COL14A1: variants seen among roughly 807,000 people sequenced by gnomAD.
COL14A1 encodes collagen type XIV alpha 1 chain, also known as collagen alpha-1(XIV) chain.
In COL14A1, 136 loss-of-function variants were observed where a neutral mutation model predicts 230.3. The observed-to-expected ratio is 0.59, with a 90% CI of 0.51 to 0.68. COL14A1 has a LOEUF of 0.68. COL14A1 is among the 30% of genes least tolerant of loss of function. The pLI is 0.00. For missense variants in COL14A1, 1,976 were observed against 2,215.8 expected (o/e 0.89, Z 2.17); for synonymous variants, 792 against 784.1 (o/e 1.01, Z -0.17).
At position 120,197,879 on chromosome 8, in the gene COL14A1, G is replaced by C. The variant is rs2130713526; in HGVS notation, c.661G>C (p.Val221Leu). ...HLNAFSTKDE[V>L]IEAVRNLPYK... Reference sequence around the variant, plus strand: ...GAATGCATTTAGCACAAAAGATGAAGTGATTGAAGCTGTCCGAAACCTCCC... The same window carrying C: ...GAATGCATTTAGCACAAAAGATGAACTGATTGAAGCTGTCCGAAACCTCCC... The change falls in exon 7 of 48, where the codon GTG (valine) becomes CTG (leucine). Residue 221 changes from valine (V) to leucine (L), a missense_variant. Transcript: ENST00000297848. 3 of 1,613,682 alleles carry C rather than the reference G, an allele frequency of 1.9e-6. No homozygotes were observed. The East Asian group carries it at 6.7e-5, about 36-fold the overall frequency.
intron 42 of COL14A1, among the ~76,000 whole-genome samples, chr8:120,333,561 A>G (rs16893924): frequency 0.014 from 2,080 of 152,346 alleles, 51 homozygotes; most frequent in African/African-American, 0.047. Context: ...GTGAAATCCA[A>G]TGGATGAGGA....
At chr8:120,232,637 T>C (rs186447306) in intron 19 of COL14A1, among the ~76,000 whole-genome samples, 3,959 of 152,334 alleles carry the variant, frequency 0.026, 73 homozygotes, top group Non-Finnish European at 0.032. Flanking sequence ...ATGGTGTATA[T>C]GTGCCACATT....
Position 120,231,553 on chromosome 8 carries a change from G to T in COL14A1, c.2284G>T (p.Val762Leu). Reference protein sequence around the residue: ...RVKWDISDSDVQQFRVTYMTA... With the variant: ...RVKWDISDSDLQQFRVTYMTA... ...AAAATGGGACATTTCTGACAGCGAT[G>T]TGCAGCAGTTTAGGGTGACCTACAT... Residue 762 changes from valine to leucine, a missense_variant, in exon 19 of 48, where the codon GTG becomes TTG. Coordinates refer to ENST00000297848, the MANE Select transcript of COL14A1 (RefSeq NM_021110.4). 1 of 1,614,070 alleles carries T rather than the reference G, an allele frequency of 6.2e-7. No individual in the cohort carries two copies. Among genetic ancestry groups the T allele is most frequent in the South Asian group, 1.1e-5 (1 of 91,076 alleles).
At chr8:120,144,120 A>G (rs1222884039) in intron 1 of COL14A1, among the ~76,000 whole-genome samples, 1 of 152,180 alleles carries the variant, frequency 6.6e-6, no homozygotes, top group Non-Finnish European at 1.5e-5. Context: ...AATGATAAGC[A>G]TATAACAAGG....
intron 40 of COL14A1, among the ~76,000 whole-genome samples, chr8:120,320,154 G>A (rs538691065): frequency 2.6e-5 from 4 of 152,010 alleles, no homozygotes; most frequent in Admixed American, 1.3e-4. Context: ...TTTCCTCAGC[G>A]GTAAAGTGGA....
chr8:120,240,415 G>C (rs1818576858), intron 19 of COL14A1, among the ~76,000 whole-genome samples: 1 of 152,140 alleles, frequency 6.6e-6, no homozygotes, highest in Non-Finnish European at 1.5e-5. Context: ...AAAGTGGACT[G>C]CATGTAAATT....
chr8:120,184,510 C>T (rs1427675590), intron 5 of COL14A1, among the ~76,000 whole-genome samples: 1 of 152,114 alleles, frequency 6.6e-6, no homozygotes, highest in Non-Finnish European at 1.5e-5. Context: ...CCGCCTCCGC[C>T]TCCCAAAGTG....
At chr8:120,261,750 T>C (rs1349309957) in intron 23 of COL14A1, among the ~76,000 whole-genome samples, 1 of 152,208 alleles carries the variant, frequency 6.6e-6, no homozygotes, top group Non-Finnish European at 1.5e-5. Flanking sequence ...GACTGAACTC[T>C]ACAGCATATA....
At chr8:120,313,085 A>T (rs934973923) in intron 37 of COL14A1, among the ~76,000 whole-genome samples, 2 of 152,120 alleles carry the variant, frequency 1.3e-5, no homozygotes, top group African/African-American at 4.8e-5. Flanking sequence ...ATAGGCTGGG[A>T]GTGGTGGCTC....
At chr8:120,147,766 T>G (rs1815143792) in intron 1 of COL14A1, 40 bp from the exon 2 acceptor site, 2 of 1,043,104 alleles carry the variant, frequency 1.9e-6, no homozygotes, top group South Asian at 2.8e-5. Flanking sequence ...TACTTTATTT[T>G]CAGCCTTCTC....
chr8:120,289,765 C>A lies in COL14A1; in HGVS notation c.4235C>A (p.Pro1412Gln). 1 of 1,611,158 alleles carries A rather than the reference C, an allele frequency of 6.2e-7. No homozygotes were observed. The highest frequency in any genetic ancestry group is 8.5e-7 in the Non-Finnish European group (1 of 1,178,744). Reference protein sequence around the residue: ...RSRGPGGNSAPFQLQMFDIVC... With the variant: ...RSRGPGGNSAQFQLQMFDIVC... ...AGAGGACCAGGTGGAAACTCTGCAC[C>A]GGTAAGTGAATAAACCCGTGAAGCT... The change falls in exon 34 of 48, where the codon CCG (proline) becomes CAG (glutamine). Residue 1412 changes from proline (P) to glutamine (Q), a missense_variant and splice_region_variant. Pro to Gln is a moderately conservative substitution (Grantham distance 76). Coordinates refer to ENST00000297848, the MANE Select transcript of COL14A1 (RefSeq NM_021110.4).
intron 2 of COL14A1, among the ~76,000 whole-genome samples, chr8:120,151,019 A>T (rs956994999): frequency 6.6e-6 from 1 of 152,114 alleles, no homozygotes; most frequent in Non-Finnish European, 1.5e-5. Flanking sequence ...AACATCAATT[A>T]TAAGGAGAGT....
chr8:120,270,986 A>G (rs1819649046), intron 26 of COL14A1, among the ~76,000 whole-genome samples: 1 of 151,800 alleles, frequency 6.6e-6, no homozygotes, highest in South Asian at 2.1e-4. Flanking sequence ...ATGCCCATCA[A>G]TAGTAGACTG....
At chr8:120,360,733 G>C (rs1236210463) in intron 45 of COL14A1, among the ~76,000 whole-genome samples, 1 of 152,176 alleles carries the variant, frequency 6.6e-6, no homozygotes, top group Non-Finnish European at 1.5e-5. Context: ...ATGACGACCT[G>C]CTACATGCAG....
Position 120,315,966 on chromosome 8 carries a change from C to T in COL14A1, c.4628C>T (p.Ser1543Leu), listed in dbSNP as rs1305620220. ...CAGGGTATCCCAGGAGGCGTTGGTT[C>T]ACCAGGACGTGATGGCTCACCAGGC... Reference protein sequence around the residue: ...GPQGIPGGVGSPGRDGSPGQR... With the variant: ...GPQGIPGGVGLPGRDGSPGQR... Residue 1543 changes from serine (S) to leucine (L), a missense_variant, in exon 40 of 48, where the codon TCA becomes TTA. Around this residue, in one of 3 missense-constraint regions of COL14A1, gnomAD observed 1,791 missense variants for 2,019.5 expected, o/e 0.89. Transcript: ENST00000297848. The T allele has an allele frequency of 1.9e-6, 3 of 1,613,980 alleles. No homozygotes were observed. Among genetic ancestry groups the T allele is most frequent in the Non-Finnish European group, 1.7e-6 (2 of 1,179,960 alleles).
intron 40 of COL14A1, among the ~76,000 whole-genome samples, chr8:120,328,432 A>T (rs902586436): frequency 6.8e-6 from 1 of 147,716 alleles, no homozygotes; most frequent in Non-Finnish European, 1.5e-5. Context: ...GGGTGTCTTT[A>T]TGTTGCCCAG....
intron 35 of COL14A1, among the ~76,000 whole-genome samples, chr8:120,298,221 C>A (rs1820587760): frequency 6.6e-6 from 1 of 151,854 alleles, no homozygotes; most frequent in African/African-American, 2.4e-5. Flanking sequence ...GTTGCAAAAT[C>A]TAATGTTGAA....
chr8:120,225,340 T>C, intron 15 of COL14A1, 126 bp downstream of exon 15: 1 of 798,268 alleles, frequency 1.3e-6, no homozygotes, highest in Non-Finnish European at 1.9e-6. Flanking sequence ...ATTTCTTTTA[T>C]GTTATTAAAA....
At chr8:120,247,993 T>C (rs1818816543) in intron 21 of COL14A1, among the ~76,000 whole-genome samples, 3 of 152,140 alleles carry the variant, frequency 2.0e-5, no homozygotes, top group Admixed American at 2.0e-4. Flanking sequence ...ATTGGGTATA[T>C]ACATGACCTA....
Sources: gnomAD v4.1 joint callset for allele counts (sites outside exome capture counted in the v4.1 genomes callset) on GRCh38, gnomAD v4.1.1 for gene constraint, gnomAD v4.1.1 regional missense constraint, MANE v1.5 for transcripts, NCBI Gene and HGNC (gene_info 2026-07-23, HGNC 2026-07-21) for gene names.